SCD5: variants seen among roughly 807,000 people sequenced by gnomAD.
SCD5 encodes stearoyl-CoA desaturase 5, also known as acyl-CoA-desaturase 4.
A neutral mutation model predicts 30.4 loss-of-function variants in SCD5; 20 were observed. That is an observed-to-expected ratio of 0.66 (90% CI 0.46 to 0.96). The LOEUF (loss-of-function observed/expected upper bound fraction) is 0.96, where lower values mean the gene tolerates loss of function less well. Ranked by LOEUF, SCD5 falls within the 40% of genes least tolerant of loss-of-function variation. The pLI is 0.00. For synonymous variants in SCD5, 173 were observed against 176.4 expected, an observed-to-expected ratio of 0.98 and a Z score of 0.16; for missense variants, 381 against 443.3, an observed-to-expected ratio of 0.86 and a Z score of 1.26.
chr4:82,705,470 C>T lies in SCD5; in HGVS notation c.233-57G>A, dbSNP rs1006133994. On this transcript the variant is annotated intron_variant, in intron 1 of 4. Transcript: ENST00000319540. ...ATGGTCCCTGAGCTTTCAAACACCC[C>T]CCATGCTTTTTCTCTCCTGAACAGG... The T allele has an allele frequency of 2.0e-5, 32 of 1,599,228 alleles. No homozygotes were observed. The Admixed American group carries it at 5.3e-4, about 26-fold the overall frequency.
At chr4:82,700,232 G>C (rs1444182823) in intron 2 of SCD5, among the ~76,000 whole-genome samples, 1 of 151,744 alleles carries the variant, frequency 6.6e-6, no homozygotes, top group Non-Finnish European at 1.5e-5. Flanking sequence ...AGATAAAAAA[G>C]AAAAAGAAAA....
chr4:82,739,527 C>G (rs1003282714), intron 1 of SCD5, among the ~76,000 whole-genome samples: 6 of 152,374 alleles, frequency 3.9e-5, no homozygotes, highest in African/African-American at 1.4e-4. Context: ...GCTGGTAGAG[C>G]CACACTCCGC....
intron 2 of SCD5, among the ~76,000 whole-genome samples, chr4:82,695,320 G>A (rs959742581): frequency 6.6e-6 from 1 of 151,514 alleles, no homozygotes; most frequent in Non-Finnish European, 1.5e-5. Flanking sequence ...CTACAATATA[G>A]AGAGGGGCAA....
chr4:82,703,159 G>C (rs1451664486), intron 2 of SCD5, among the ~76,000 whole-genome samples: 1 of 152,170 alleles, frequency 6.6e-6, no homozygotes, highest in African/African-American at 2.4e-5. Flanking sequence ...CATAGTAGGT[G>C]CTCAATAAGT....
intron 3 of SCD5, among the ~76,000 whole-genome samples, chr4:82,664,102 CT>C (rs1463638785): frequency 1.3e-5 from 2 of 152,186 alleles, no homozygotes; most frequent in African/African-American, 2.4e-5. Flanking sequence ...GAAAGATCTA[CT>C]TTGTGACACA....
chr4:82,677,122 G>C (rs1332711817), intron 3 of SCD5, among the ~76,000 whole-genome samples: 2 of 152,194 alleles, frequency 1.3e-5, no homozygotes, highest in African/African-American at 4.8e-5. Flanking sequence ...TGGACTGAAG[G>C]AGGAGTCTCT....
intron 2 of SCD5, among the ~76,000 whole-genome samples, chr4:82,689,125 A>G (rs1220220850): frequency 6.6e-6 from 1 of 152,262 alleles, no homozygotes; most frequent in Admixed American, 6.5e-5. Flanking sequence ...ACTTGTTTTT[A>G]AAATACCATT....
At chr4:82,703,862 T>G (rs1578029294) in intron 2 of SCD5, among the ~76,000 whole-genome samples, 1 of 152,198 alleles carries the variant, frequency 6.6e-6, no homozygotes, top group East Asian at 1.9e-4. Flanking sequence ...ATCTAAGACC[T>G]AAGTCAATTA....
At chr4:82,732,382 G>T (rs191416815) in intron 1 of SCD5, among the ~76,000 whole-genome samples, 1 of 152,166 alleles carries the variant, frequency 6.6e-6, no homozygotes, top group Non-Finnish European at 1.5e-5. Context: ...GAGCCACCAC[G>T]CCTGGCCTCC....
chr4:82,675,664 A>G (rs954350222), intron 3 of SCD5, among the ~76,000 whole-genome samples: 1 of 152,224 alleles, frequency 6.6e-6, no homozygotes, highest in Non-Finnish European at 1.5e-5. Context: ...CTCTAGAGGA[A>G]TGTCTTCCCT....
In SCD5 at chr4:82,635,129, C is replaced by T. The variant is rs552614458; in HGVS notation, c.802+1462G>A. ...TTTGATCTCTGTGCTCAAGGCTCAG[C>T]TTACCAAGAAGTCTGAGTTGCTTCT... On this transcript the variant is annotated intron_variant, in intron 4 of 4. Transcript: ENST00000319540. Among the ~76,000 whole-genome samples, 4 of 152,338 alleles carry T rather than the reference C, an allele frequency of 2.6e-5. No individual in the cohort carries two copies. In the South Asian group the frequency reaches 8.3e-4, roughly 32 times the overall value.
intron 1 of SCD5, among the ~76,000 whole-genome samples, chr4:82,790,806 A>T (rs1560564707): frequency 1.3e-5 from 2 of 150,386 alleles, no homozygotes; most frequent in Non-Finnish European, 2.9e-5. Context: ...AAAATAAAGA[A>T]AAAAAAAAGC....
intron 1 of SCD5, among the ~76,000 whole-genome samples, chr4:82,742,732 A>G (rs1720903274): frequency 6.6e-6 from 1 of 152,212 alleles, no homozygotes; most frequent in Non-Finnish European, 1.5e-5. Flanking sequence ...GGTTGCCGTG[A>G]GCTGAGATTG....
Position 82,702,130 on chromosome 4 carries a change from C to CTTT in SCD5, c.363+3150_363+3152dup, listed in dbSNP as rs10701664. Among the ~76,000 whole-genome samples, 115 of 64,112 alleles carry CTTT rather than the reference C, an allele frequency of 1.8e-3. 8 individuals are homozygous for CTTT. Among genetic ancestry groups the CTTT allele is most frequent in the African/African-American group, 2.6e-3 (46 of 17,822 alleles). The allele number at this position is 64,112 out of a possible 152,430, so 42.1% of individuals were successfully genotyped here. ...TCAGGCATTCCTGCCCCATCATCAT[C>CTTT]TTTTTTTTTTTTTTTTTTTTTTTTT... On this transcript the variant is annotated intron_variant, in intron 2 of 4. Transcript: ENST00000319540.
In SCD5 at chr4:82,703,393, C is replaced by T. The variant is rs144697708; in HGVS notation, c.363+1890G>A. On this transcript the variant is annotated intron_variant, in intron 2 of 4. Coordinates refer to ENST00000319540, the MANE Select transcript of SCD5 (RefSeq NM_001037582.3). The stretch of plus-strand genomic sequence containing the variant: ...AAGAGAAGGGGAGAACAATATTCAC[C>T]GATTGCTACTATAAGCTTGGTACTT... Among the ~76,000 whole-genome samples the T allele has an allele frequency of 5.3e-5, 8 of 152,180 alleles. No individual in the cohort carries two copies. The East Asian group carries it at 1.3e-3, about 26-fold the overall frequency.
chr4:82,707,542 G>C (rs1023241078), intron 1 of SCD5, among the ~76,000 whole-genome samples: 2 of 152,116 alleles, frequency 1.3e-5, no homozygotes, highest in African/African-American at 4.8e-5. Flanking sequence ...CAATATTGAG[G>C]GAATATCAGT....
At chr4:82,641,496 T>C (rs1048990125) in intron 3 of SCD5, among the ~76,000 whole-genome samples, 1 of 152,024 alleles carries the variant, frequency 6.6e-6, no homozygotes, top group South Asian at 2.1e-4. Context: ...AGGGTGTCTA[T>C]GGGAGGGCTT....
intron 4 of SCD5, among the ~76,000 whole-genome samples, chr4:82,632,001 C>T (rs1164246725): frequency 1.3e-5 from 2 of 151,916 alleles, no homozygotes; most frequent in Non-Finnish European, 2.9e-5. Context: ...GGCCAGTGGG[C>T]AGCTTTTACT....
intron 1 of SCD5, among the ~76,000 whole-genome samples, chr4:82,723,774 A>C (rs985640050): frequency 6.6e-6 from 1 of 152,242 alleles, no homozygotes; most frequent in African/African-American, 2.4e-5. Context: ...AAAATGTGGG[A>C]CATTCTACAG....
Sources: gnomAD v4.1 joint callset for allele counts (sites outside exome capture counted in the v4.1 genomes callset) on GRCh38, gnomAD v4.1.1 for gene constraint, MANE v1.5 for transcripts, NCBI Gene and HGNC (gene_info 2026-07-23, HGNC 2026-07-21) for gene names.